The following RERG variants were observed in gnomAD, a reference collection of about 807,000 sequenced individuals.
The protein encoded by RERG is ras-related and estrogen-regulated growth inhibitor.
In RERG, 25 loss-of-function variants were observed where a neutral mutation model predicts 23.2. The observed-to-expected ratio is 1.08, with a 90% CI of 0.79 to 1.50. The LOEUF is 1.50. Among genes scored for constraint, RERG ranks in the 40% most tolerant of loss-of-function variants. The pLI, the probability that RERG is intolerant of heterozygous loss-of-function variation, is 0.00. For missense variants in RERG, 253 were observed against 250.1 expected, an observed-to-expected ratio of 1.01 and a Z score of -0.08; for synonymous variants, 81 against 89.1, an observed-to-expected ratio of 0.91 and a Z score of 0.51.
intron 2 of RERG, among the ~76,000 whole-genome samples, chr12:15,142,848 G>C (rs576898322): frequency 2.6e-5 from 4 of 152,184 alleles, no homozygotes; most frequent in South Asian, 2.1e-4. Context: ...TTCTCACTTT[G>C]AAATAACTGG....
chr12:15,207,942 T>C (rs1565538171), intron 2 of RERG, among the ~76,000 whole-genome samples: 1 of 152,158 alleles, frequency 6.6e-6, no homozygotes, highest in Non-Finnish European at 1.5e-5. Flanking sequence ...GATAATTTAA[T>C]GTGTGAATCT....
chr12:15,116,839 TG>T (rs1346591947), intron 3 of RERG, among the ~76,000 whole-genome samples: 1 of 152,356 alleles, frequency 6.6e-6, no homozygotes, highest in African/African-American at 2.4e-5. Context: ...TTGGTGGATT[TG>T]CTTTTGATTT....
At chr12:15,160,307 C>T (rs954183241) in intron 2 of RERG, among the ~76,000 whole-genome samples, 1 of 152,080 alleles carries the variant, frequency 6.6e-6, no homozygotes, top group Non-Finnish European at 1.5e-5. Context: ...TAACCATGCG[C>T]GGGTACCGAC....
At chr12:15,113,482 A>G (rs1173520569) in intron 3 of RERG, among the ~76,000 whole-genome samples, 1 of 152,062 alleles carries the variant, frequency 6.6e-6, no homozygotes, top group South Asian at 2.1e-4. Flanking sequence ...AAAATAAAAT[A>G]ATACGAAGTT....
intron 2 of RERG, among the ~76,000 whole-genome samples, chr12:15,194,912 G>T (rs1865121697): frequency 6.6e-6 from 1 of 152,030 alleles, no homozygotes; most frequent in Admixed American, 6.6e-5. Context: ...GCTGCCAGAT[G>T]GCACATGGTA....
intron 2 of RERG, among the ~76,000 whole-genome samples, chr12:15,172,971 T>G (rs766608333): frequency 8.5e-5 from 13 of 152,054 alleles, no homozygotes; most frequent in Non-Finnish European, 1.6e-4. Flanking sequence ...GCATAAAAAG[T>G]TTCCAGTTTT....
intron 3 of RERG, among the ~76,000 whole-genome samples, chr12:15,111,989 T>C (rs918327764): frequency 3.3e-5 from 5 of 152,298 alleles, no homozygotes; most frequent in Admixed American, 3.3e-4. Context: ...TCCTTTCCTC[T>C]GAAGATTCCA....
chr12:15,191,508 T>G (rs1865070665), intron 2 of RERG, among the ~76,000 whole-genome samples: 1 of 152,156 alleles, frequency 6.6e-6, no homozygotes, highest in Non-Finnish European at 1.5e-5. Context: ...TCAAGCTCTT[T>G]ACTAGCTGCC....
intron 1 of RERG, among the ~76,000 whole-genome samples, chr12:15,220,491 C>T (rs1365519059): frequency 6.6e-6 from 1 of 152,172 alleles, no homozygotes; most frequent in Non-Finnish European, 1.5e-5. Context: ...AGCTTACACT[C>T]TGTTAGACCT....
rs1422729511 is a variant in RERG at position 15,133,144 on chromosome 12, GAGAT to G, written c.62-12029_62-12026del. ...CACTCTTGGGGTTGTATATCCTGTG[GAGAT>G]ATATATATATATATATATATATATA... is the stretch of plus-strand genomic sequence containing the variant. On this transcript the variant is annotated intron_variant, in intron 2 of 4. Coordinates refer to ENST00000256953, the MANE Select transcript of RERG (RefSeq NM_032918.3). Among the ~76,000 whole-genome samples the G allele has an allele frequency of 1.4e-3, 84 of 59,218 alleles. 1 individual carries two copies. The highest frequency in any genetic ancestry group is 5.7e-3 in the African/African-American group (81 of 14,110). 38.8% of individuals were successfully genotyped at this position (59,218 alleles called of 152,430 possible). A position where few individuals can be genotyped will look rare whatever the true frequency, so the allele number is the denominator to read the frequency against.
At chr12:15,155,770 T>A (rs1018573276) in intron 2 of RERG, among the ~76,000 whole-genome samples, 9 of 152,136 alleles carry the variant, frequency 5.9e-5, no homozygotes, top group Non-Finnish European at 1.0e-4. Context: ...TATTCTCCAC[T>A]AGGGCTACCA....
chr12:15,110,473 T>C (rs1164252190), intron 4 of RERG, among the ~76,000 whole-genome samples: 3 of 122,178 alleles, frequency 2.5e-5, no homozygotes, highest in East Asian at 2.3e-4. Context: ...CTTTTTTTTT[T>C]TTTTTTTTTT....
chr12:15,186,024 T>G (rs1210320415), intron 2 of RERG, among the ~76,000 whole-genome samples: 1 of 151,978 alleles, frequency 6.6e-6, no homozygotes, highest in African/African-American at 2.4e-5. Context: ...GACAATATTT[T>G]AGAAAAATAT....
chr12:15,154,749 A>G (rs1260402602), intron 2 of RERG, among the ~76,000 whole-genome samples: 2 of 152,256 alleles, frequency 1.3e-5, no homozygotes, highest in African/African-American at 4.8e-5. Context: ...TCATATTCAT[A>G]AACACTGCCT....
At chr12:15,220,636 G>T (rs1376177443) in intron 1 of RERG, among the ~76,000 whole-genome samples, 1 of 152,106 alleles carries the variant, frequency 6.6e-6, no homozygotes. Flanking sequence ...GCAAGCAAGC[G>T]TCTTTATAAG....
At chr12:15,208,474 C>T (rs1342985965) in intron 2 of RERG, among the ~76,000 whole-genome samples, 2 of 152,204 alleles carry the variant, frequency 1.3e-5, no homozygotes, top group African/African-American at 2.4e-5. Flanking sequence ...GCAAACTAGA[C>T]AACATAGTCT....
chr12:15,211,674 G>T (rs953377993), intron 2 of RERG, among the ~76,000 whole-genome samples: 4 of 152,082 alleles, frequency 2.6e-5, no homozygotes, highest in Non-Finnish European at 2.9e-5. Context: ...CTAACAGAGA[G>T]GATTTTAAAT....
chr12:15,108,704 T>C lies in RERG; in HGVS notation c.*406A>G, dbSNP rs1863543057. 6.4e-6 allele frequency: 1 copy of C among 156,580 alleles called. No individual in the cohort carries two copies. The highest frequency in any genetic ancestry group is 1.4e-5 in the Non-Finnish European group (1 of 71,254). The allele number at this position is 156,580 out of a possible 1,614,324, so 9.7% of individuals were successfully genotyped here. A position where few individuals can be genotyped will look rare whatever the true frequency, so the allele number is the denominator to read the frequency against. On this transcript the variant is annotated 3_prime_UTR_variant, in exon 5 of 5. Coordinates refer to ENST00000256953, the MANE Select transcript of RERG (RefSeq NM_032918.3). The stretch of plus-strand genomic sequence containing the variant: ...CAATAGCTCAGCTTCTTCTCCTGTG[T>C]TTTTACTGTATTTTCTGCTATCTTA...
intron 2 of RERG, among the ~76,000 whole-genome samples, chr12:15,129,436 C>G (rs559228980): frequency 6.6e-6 from 1 of 152,106 alleles, no homozygotes; most frequent in South Asian, 2.1e-4. Flanking sequence ...ATTTTGATCT[C>G]CTATCAAATC....
Sources: allele counts gnomAD v4.1 joint callset (sites outside exome capture counted in the v4.1 genomes callset), GRCh38; gene constraint gnomAD v4.1.1; transcripts MANE v1.5; gene names NCBI Gene and HGNC (gene_info 2026-07-23, HGNC 2026-07-21).